Variants in CFAP418 observed in about 807,000 individuals in gnomAD.
CFAP418 encodes the protein cilia and flagella associated protein 418, also known as cilia- and flagella-associated protein 418.
In CFAP418, 27 loss-of-function variants were observed where a neutral mutation model predicts 24.7. The observed-to-expected ratio is 1.09, with a 90% CI of 0.81 to 1.51. The LOEUF is 1.51. Among genes scored for constraint, CFAP418 ranks in the 40% most tolerant of loss-of-function variants. The probability of loss-of-function intolerance (pLI) is 0.00; values close to 1 mark genes in which losing one functional copy is unlikely to be tolerated. For synonymous variants in CFAP418, 74 were observed against 87.3 expected, an observed-to-expected ratio of 0.85 and a Z score of 0.85; for missense variants, 257 against 255.2, an observed-to-expected ratio of 1.01 and a Z score of -0.05.
intron 1 of CFAP418, among the ~76,000 whole-genome samples, chr8:95,263,994 A>G (rs1355098076): frequency 6.6e-6 from 1 of 152,206 alleles, no homozygotes; most frequent in Non-Finnish European, 1.5e-5. Flanking sequence ...TACATACTTG[A>G]TATTACATAC....
chr8:95,259,907 T>C lies in CFAP418; in HGVS notation c.309-2A>G. ...CCACCAAGGTACACCGGACTGCAAC[T>C]AGATGTGTTCAACAGATGCAAAAAT... On this transcript the variant is annotated splice_acceptor_variant, in intron 3 of 5. Transcript: ENST00000286688. LOFTEE classifies it high-confidence loss of function. The C allele has an allele frequency of 1.9e-6, 3 of 1,594,930 alleles. No individual in the cohort carries two copies. Among genetic ancestry groups the C allele is most frequent in the Non-Finnish European group, 2.6e-6 (3 of 1,173,860 alleles).
intron 1 of CFAP418, among the ~76,000 whole-genome samples, chr8:95,267,507 A>G (rs1812011503): frequency 6.6e-6 from 1 of 152,216 alleles, no homozygotes; most frequent in African/African-American, 2.4e-5. Flanking sequence ...AGGCTGAGGC[A>G]GGGGAATGGG....
rs1811602386 is a variant in CFAP418 at position 95,245,483 on chromosome 8, C to CAATGT, written c.*2129_*2133dup. On this transcript the variant is annotated 3_prime_UTR_variant, in exon 6 of 6. Transcript: ENST00000286688. ...CAACTTTGTCCCTTCAAAGTAGAGGCAATGTAGGCTACTTTGGGAGGCTGA... is the reference window on the plus strand; with the variant it reads ...CAACTTTGTCCCTTCAAAGTAGAGGCAATGTAATGTAGGCTACTTTGGGAGGCTGA... 6.6e-6 allele frequency: 1 copy of CAATGT among 152,064 alleles called. No homozygotes were observed. Among genetic ancestry groups the CAATGT allele is most frequent in the African/African-American group, 2.4e-5 (1 of 41,420 alleles). The allele number at this position is 152,064 out of a possible 1,614,324, so 9.4% of individuals were successfully genotyped here.
chr8:95,252,414 T>A (rs1367708009), intron 4 of CFAP418, 131 bp from the exon 5 acceptor site: 1 of 607,186 alleles, frequency 1.6e-6, no homozygotes, highest in African/African-American at 1.9e-5. Flanking sequence ...AAGTACAGAT[T>A]AATCTGATTA....
intron 2 of CFAP418, among the ~76,000 whole-genome samples, chr8:95,260,941 T>C (rs1811878156): frequency 6.6e-6 from 1 of 152,228 alleles, no homozygotes; most frequent in Non-Finnish European, 1.5e-5. Context: ...TGAATGTGCG[T>C]CATATGAATT....
rs563433949 is a variant in CFAP418, at chr8:95,245,540, A to T, written c.*2077T>A. ...CGGATCACGAGTTCAGGAGATCGACATCATTCTGGCCAACATGGTGAAACC... is the reference window on the plus strand; with the variant it reads ...CGGATCACGAGTTCAGGAGATCGACTTCATTCTGGCCAACATGGTGAAACC... On this transcript the variant is annotated 3_prime_UTR_variant, in exon 6 of 6. Coordinates refer to ENST00000286688, the MANE Select transcript of CFAP418 (RefSeq NM_177965.4). 2 of 152,328 alleles carry T rather than the reference A, an allele frequency of 1.3e-5. No homozygotes were observed. Among genetic ancestry groups the T allele is most frequent in the Non-Finnish European group, 2.9e-5 (2 of 68,030 alleles). 9.4% of individuals were successfully genotyped at this position (152,328 alleles called of 1,614,324 possible). A position where few individuals can be genotyped will look rare whatever the true frequency, so the allele number is the denominator to read the frequency against.
In CFAP418 at chr8:95,269,191, T is replaced by C. The variant is rs1177879060; in HGVS notation, c.-2A>G. On this transcript the variant is annotated 5_prime_UTR_variant, in exon 1 of 6. Coordinates refer to ENST00000286688, the MANE Select transcript of CFAP418 (RefSeq NM_177965.4). ...GAGCTCGTCCAGGTCCTCCGCCATC[T>C]TGAATCGCCTGGCCTTTTCCCCTCC... 1 of 1,614,028 alleles carries C rather than the reference T, an allele frequency of 6.2e-7. No individual in the cohort carries two copies. The highest frequency in any genetic ancestry group is 1.7e-5 in the Admixed American group (1 of 60,018).
Position 95,269,094 on chromosome 8 carries a change from G to A in CFAP418, c.96C>T (p.Gly32=). The A allele has an allele frequency of 6.2e-7, 1 of 1,614,212 alleles. No individual in the cohort carries two copies. The highest frequency in any genetic ancestry group is 1.1e-5 in the South Asian group (1 of 91,090). Reference sequence around the variant, plus strand: ...CGCTACTGTGGGTGCCGCCGCCGCAGCCTTTGGGCTGCTCGACCATACCCC... The same window carrying A: ...CGCTACTGTGGGTGCCGCCGCCGCAACCTTTGGGCTGCTCGACCATACCCC... ...LRRGMVEQPK[G]CGGGTHSSDR... is the part of the protein sequence containing the mutation. The change falls in exon 1 of 6, where the codon GGC becomes GGT. Residue 32 remains glycine (G), a synonymous_variant. Transcript: ENST00000286688.
chr8:95,247,609 C>T lies in CFAP418; in HGVS notation c.*8G>A. ...GGATGCATCTGTCCGAATGTGCAGT[C>T]TGCATTCTTAATGTTTACCACAAAC... On this transcript the variant is annotated 3_prime_UTR_variant, in exon 6 of 6. Transcript: ENST00000286688. 1 of 1,614,106 alleles carries T rather than the reference C, an allele frequency of 6.2e-7. No individual in the cohort carries two copies. The highest frequency in any genetic ancestry group is 8.5e-7 in the Non-Finnish European group (1 of 1,180,008).
chr8:95,265,386 G>C (rs1053458283), intron 1 of CFAP418, among the ~76,000 whole-genome samples: 1 of 151,962 alleles, frequency 6.6e-6, no homozygotes, highest in African/African-American at 2.4e-5. Flanking sequence ...ATTTCTTTCA[G>C]GTATAATATT....
intron 1 of CFAP418, among the ~76,000 whole-genome samples, chr8:95,267,097 G>A (rs1811999644): frequency 6.6e-6 from 1 of 152,132 alleles, no homozygotes; most frequent in Non-Finnish European, 1.5e-5. Context: ...GATACATAAG[G>A]AATTCCAGTA....
intron 1 of CFAP418, among the ~76,000 whole-genome samples, chr8:95,266,744 A>G (rs1418278221): frequency 6.6e-6 from 1 of 152,214 alleles, no homozygotes; most frequent in Non-Finnish European, 1.5e-5. Context: ...AATATAAATG[A>G]CAACAGTACT....
chr8:95,262,269 T>C (rs534076473), intron 2 of CFAP418, among the ~76,000 whole-genome samples: 1 of 152,284 alleles, frequency 6.6e-6, no homozygotes, highest in East Asian at 1.9e-4. Context: ...TGCTATTGTG[T>C]TTACATATTA....
intron 1 of CFAP418, among the ~76,000 whole-genome samples, chr8:95,264,294 C>G (rs1458694231): frequency 6.6e-6 from 1 of 152,184 alleles, no homozygotes; most frequent in Non-Finnish European, 1.5e-5. Context: ...TCAACTACCT[C>G]TACCTTCTGC....
chr8:95,261,201 A>C (rs762705337), intron 2 of CFAP418, among the ~76,000 whole-genome samples: 3 of 152,232 alleles, frequency 2.0e-5, no homozygotes, highest in African/African-American at 4.8e-5. Context: ...GATGGAGAAA[A>C]GGCAATTTAA....
intron 1 of CFAP418, 130 bp downstream of exon 1, chr8:95,268,905 G>C (rs976837531): frequency 3.0e-6 from 3 of 1,007,086 alleles, no homozygotes. Context: ...GGCGCTGAGG[G>C]TCTGAACCCT....
rs116247176 is a variant in CFAP418, at chr8:95,254,378, T to C, written c.375-2095A>G. Reference sequence around the variant, plus strand: ...AATCAAACAACGCAAATAGGCAGGATAGATTCAATTTCCTTTATGCCCTGG... The same window carrying C: ...AATCAAACAACGCAAATAGGCAGGACAGATTCAATTTCCTTTATGCCCTGG... On this transcript the variant is annotated intron_variant, in intron 4 of 5. Transcript: ENST00000286688. Among the ~76,000 whole-genome samples, 350 of 152,322 alleles carry C rather than the reference T, an allele frequency of 2.3e-3. 1 individual carries two copies. The highest frequency in any genetic ancestry group is 8.2e-3 in the African/African-American group (342 of 41,582).
chr8:95,266,167 T>C (rs148354148), intron 1 of CFAP418, among the ~76,000 whole-genome samples: 114 of 152,308 alleles, frequency 7.5e-4, no homozygotes, highest in Non-Finnish European at 1.4e-3. Flanking sequence ...GAAGATTAAA[T>C]GAAATAACAT....
chr8:95,260,352 A>T, intron 3 of CFAP418, 116 bp downstream of exon 3: 1 of 739,182 alleles, frequency 1.4e-6, no homozygotes, highest in South Asian at 1.9e-5. Flanking sequence ...CTGAAGGCCA[A>T]CCAATGCTTT....
Sources: gnomAD v4.1 joint callset for allele counts (sites outside exome capture counted in the v4.1 genomes callset) on GRCh38, gnomAD v4.1.1 for gene constraint, MANE v1.5 for transcripts, NCBI Gene and HGNC (gene_info 2026-07-23, HGNC 2026-07-21) for gene names.